LRRC3C: variants seen among roughly 807,000 people sequenced by gnomAD.
LRRC3C encodes the protein leucine rich repeat containing 3C.
LRRC3C carries 11 observed loss-of-function variants against 14.8 expected under a neutral mutation model. The observed-to-expected ratio is 0.74, with a 90% confidence interval of 0.47 to 1.23. The LOEUF is 1.23. LRRC3C is among the 50% of genes most tolerant of loss of function. The pLI is 0.00. For missense variants in LRRC3C, 354 were observed against 361.8 expected (o/e 0.98, Z 0.18); for synonymous variants, 149 against 161.5 (o/e 0.92, Z 0.59).
chr17:39,930,600 C>G (rs985558177), intron 1 of LRRC3C, among the ~76,000 whole-genome samples: 1 of 140,578 alleles, frequency 7.1e-6, no homozygotes. Context: ...CCCAGCTACT[C>G]AGGAGGCTGA....
At chr17:39,930,865 G>C (rs1978631507) in intron 1 of LRRC3C, among the ~76,000 whole-genome samples, 1 of 151,930 alleles carries the variant, frequency 6.6e-6, no homozygotes, top group Non-Finnish European at 1.5e-5. Flanking sequence ...TCCATGGCTG[G>C]GCGTGGTAGC....
chr17:39,933,147 C>T (rs144822503), intron 1 of LRRC3C, among the ~76,000 whole-genome samples: 1 of 152,124 alleles, frequency 6.6e-6, no homozygotes, highest in Non-Finnish European at 1.5e-5. Context: ...TTTTCATTCT[C>T]TAGTTTCAAA....
At chr17:39,943,846 C>T in intron 3 of LRRC3C, 87 bp from the exon 4 acceptor site, 3 of 1,380,916 alleles carry the variant, frequency 2.2e-6, no homozygotes, top group Non-Finnish European at 3.0e-6. Context: ...AAAGACTCCC[C>T]AGAGGGACCT....
At chr17:39,929,510 A>G (rs978823635) in intron 1 of LRRC3C, 4 of 152,068 alleles carry the variant, frequency 2.6e-5, no homozygotes, top group African/African-American at 7.3e-5. Flanking sequence ...TAATTATCAT[A>G]TCTTCCCCAA....
chr17:39,935,673 T>C (rs1978777834), intron 1 of LRRC3C, 129 bp from the exon 2 acceptor site: 2 of 287,254 alleles, frequency 7.0e-6, no homozygotes, highest in South Asian at 1.3e-4. Context: ...AAAAAACAAC[T>C]CTGAATCCCC....
chr17:39,942,133 T>C lies in LRRC3C; in HGVS notation c.26+584T>C, dbSNP rs947598223. On this transcript the variant is annotated intron_variant, in intron 3 of 3. Coordinates refer to ENST00000377924, the MANE Select transcript of LRRC3C (RefSeq NM_001195545.2). ...AAGCCTGGCGTGGGTAATGAAATCATGGAGGAAGACCATGATGTGTTCTGG... is the reference window on the plus strand; with the variant it reads ...AAGCCTGGCGTGGGTAATGAAATCACGGAGGAAGACCATGATGTGTTCTGG... Among the ~76,000 whole-genome samples the C allele has an allele frequency of 7.2e-4, 109 of 152,302 alleles. 1 individual carries two copies. Among genetic ancestry groups the C allele is most frequent in the African/African-American group, 2.5e-3 (104 of 41,562 alleles).
rs778389454 is a variant in LRRC3C at position 39,944,255 on chromosome 17, C to T, written c.349C>T (p.His117Tyr). ...ELDLSHNALA[H>Y]LSGAAFQGLE... is the part of the protein sequence containing the mutation. ...GGATCTGTCCCATAATGCCCTTGCC[C>T]ACCTCTCAGGGGCGGCTTTCCAGGG... is the stretch of plus-strand genomic sequence containing the variant. The change falls in exon 4 of 4, where the codon CAC becomes TAC. Residue 117 changes from histidine to tyrosine, a missense_variant. Transcript: ENST00000377924. 2.6e-6 allele frequency: 4 copies of T among 1,534,930 alleles called. No homozygotes were observed. In the South Asian group the frequency reaches 4.8e-5, roughly 18 times the overall value.
chr17:39,941,633 G>A (rs1264543617), intron 3 of LRRC3C, 84 bp downstream of exon 3: 19 of 1,249,100 alleles, frequency 1.5e-5, no homozygotes, highest in Non-Finnish European at 2.0e-5. Flanking sequence ...GGGCTTCCAG[G>A]TTCCGTACAA....
At position 39,944,649 on chromosome 17, in the gene LRRC3C, G is replaced by C; in HGVS notation, c.743G>C (p.Arg248Pro). The change falls in exon 4 of 4, where the codon CGA becomes CCA. Residue 248 changes from arginine to proline, a missense_variant. Physicochemically the swap from Arg to Pro is moderately radical, Grantham distance 103. Coordinates refer to ENST00000377924, the MANE Select transcript of LRRC3C (RefSeq NM_001195545.2). ...AYLVHYVWQN[R>P]DETRRSLKRA... is the part of the protein sequence containing the mutation. ...CTGGTGCATTATGTGTGGCAGAACC[G>C]AGATGAGACCAGGCGCTCCCTCAAG... 2.0e-6 allele frequency: 3 copies of C among 1,536,022 alleles called. No individual in the cohort carries two copies. Among genetic ancestry groups the C allele is most frequent in the Non-Finnish European group, 2.6e-6 (3 of 1,146,882 alleles).
chr17:39,936,203 CT>C, intron 2 of LRRC3C, among the ~76,000 whole-genome samples: 1 of 152,228 alleles, frequency 6.6e-6, no homozygotes, highest in Non-Finnish European at 1.5e-5. Context: ...GCCTGCCATT[CT>C]AGACACGTGG....
At position 39,944,541 on chromosome 17, in the gene LRRC3C, C is replaced by T. The variant is rs149957840; in HGVS notation, c.635C>T (p.Ser212Leu). The T allele has an allele frequency of 8.2e-4, 413 of 501,960 alleles. 2 individuals are homozygous for T. Among genetic ancestry groups the T allele is most frequent in the African/African-American group, 6.6e-3 (335 of 50,452 alleles). 31.1% of individuals were successfully genotyped at this position (501,960 alleles called of 1,614,324 possible). The change falls in exon 4 of 4, where the codon TCG becomes TTG. Residue 212 changes from serine to leucine, a missense_variant. Ser to Leu is a moderately radical substitution (Grantham distance 145, BLOSUM62 -2). Coordinates refer to ENST00000377924, the MANE Select transcript of LRRC3C (RefSeq NM_001195545.2). ...GCAGGGGAGGAAGAGCTGTGTGGGT[C>T]GGGGTGGGGTGGGGCCCGGAGGAGC... is the stretch of plus-strand genomic sequence containing the variant. Reference protein sequence around the residue: ...LLAGEEELCGSGWGGARRSTD... With the variant: ...LLAGEEELCGLGWGGARRSTD...
chr17:39,944,021 G>A lies in LRRC3C; in HGVS notation c.115G>A (p.Gly39Arg). The change falls in exon 4 of 4, where the codon GGG (glycine) becomes AGG (arginine). Residue 39 changes from glycine to arginine, a missense_variant. Transcript: ENST00000377924. ...LLPLLLVIGT[G>R]GTVPSPQVPP... ...GCCCCTCCTGCTGGTGATAGGCACAGGGGGTACTGTGCCCAGCCCCCAGGT... is the reference window on the plus strand; with the variant it reads ...GCCCCTCCTGCTGGTGATAGGCACAAGGGGTACTGTGCCCAGCCCCCAGGT... 6.5e-7 allele frequency: 1 copy of A among 1,536,096 alleles called. No individual in the cohort carries two copies. The highest frequency in any genetic ancestry group is 8.7e-7 in the Non-Finnish European group (1 of 1,146,866).
chr17:39,940,449 G>T (rs1471023192), intron 2 of LRRC3C, among the ~76,000 whole-genome samples: 1 of 152,066 alleles, frequency 6.6e-6, no homozygotes, highest in Non-Finnish European at 1.5e-5. Context: ...GTCGCACTCT[G>T]TCACCCAGGC....
chr17:39,936,969 AT>A (rs1424535540), intron 2 of LRRC3C, among the ~76,000 whole-genome samples: 1 of 151,692 alleles, frequency 6.6e-6, no homozygotes, highest in Non-Finnish European at 1.5e-5. Context: ...TAAAAAAATA[AT>A]AACATTAATA....
At chr17:39,942,886 G>A (rs772364483) in intron 3 of LRRC3C, among the ~76,000 whole-genome samples, 5 of 152,186 alleles carry the variant, frequency 3.3e-5, no homozygotes, top group African/African-American at 4.8e-5. Flanking sequence ...AGTTCTGCCC[G>A]CCAGGCCTGC....
intron 1 of LRRC3C, 144 bp downstream of exon 1, chr17:39,927,958 T>C: frequency 1.3e-6 from 1 of 784,474 alleles, no homozygotes; most frequent in Non-Finnish European, 1.5e-6. Flanking sequence ...AACCCAAATA[T>C]TCTGACCCCA....
chr17:39,929,684 C>T (rs1392592531), intron 1 of LRRC3C, among the ~76,000 whole-genome samples: 1 of 152,108 alleles, frequency 6.6e-6, no homozygotes, highest in Admixed American at 6.6e-5. Context: ...CTTTTGGTAG[C>T]ATATTCTAAG....
At chr17:39,942,067 C>T (rs1438417687) in intron 3 of LRRC3C, among the ~76,000 whole-genome samples, 2 of 152,156 alleles carry the variant, frequency 1.3e-5, no homozygotes, top group African/African-American at 4.8e-5. Context: ...CCCTTTGTCA[C>T]CTCTGCCCCT....
At chr17:39,930,506 G>A (rs1978620420) in intron 1 of LRRC3C, among the ~76,000 whole-genome samples, 1 of 147,266 alleles carries the variant, frequency 6.8e-6, no homozygotes, top group Non-Finnish European at 1.5e-5. Flanking sequence ...TCAGGAGTTT[G>A]ACACCAGCCT....
Sources: gnomAD v4.1 joint callset for allele counts (sites outside exome capture counted in the v4.1 genomes callset) on GRCh38, gnomAD v4.1.1 for gene constraint, MANE v1.5 for transcripts, NCBI Gene and HGNC (gene_info 2026-07-23, HGNC 2026-07-21) for gene names.